Variants in CTNNA2 observed in about 807,000 individuals in gnomAD.
CTNNA2 encodes catenin alpha-2.
In CTNNA2, 42 loss-of-function variants were observed where a neutral mutation model predicts 101.0. That is an observed-to-expected ratio of 0.42 (90% CI 0.32 to 0.54). The LOEUF (loss-of-function observed/expected upper bound fraction) is 0.54, where lower values mean the gene tolerates loss of function less well. Among genes scored for constraint, CTNNA2 ranks in the 20% least tolerant of loss-of-function variants. The probability of loss-of-function intolerance (pLI) is 0.14; values close to 1 mark genes in which losing one functional copy is unlikely to be tolerated. For synonymous variants in CTNNA2, 450 were observed against 456.4 expected, an observed-to-expected ratio of 0.99 and a Z score of 0.18; for missense variants, 871 against 1,223.1, an observed-to-expected ratio of 0.71 and a Z score of 4.29.
At chr2:79,211,352 G>T (rs970571668) in intron 2 of CTNNA2, among the ~76,000 whole-genome samples, 1 of 152,266 alleles carries the variant, frequency 6.6e-6, no homozygotes, top group Admixed American at 6.5e-5. Flanking sequence ...CTTTTCATGC[G>T]CGTCCGTGAG....
chr2:79,896,956 C>T (rs968682219), intron 6 of CTNNA2, among the ~76,000 whole-genome samples: 1 of 152,058 alleles, frequency 6.6e-6, no homozygotes, highest in Non-Finnish European at 1.5e-5. Context: ...TGAGGAGAGA[C>T]GAAGTTTGAG....
chr2:79,601,496 C>T (rs1460704070), intron 1 of CTNNA2, among the ~76,000 whole-genome samples: 2 of 152,166 alleles, frequency 1.3e-5, no homozygotes, highest in Non-Finnish European at 2.9e-5. Context: ...TTGGAAGCTC[C>T]ATAGCCTGAG....
chr2:79,996,370 C>T (rs1692546463), intron 7 of CTNNA2, among the ~76,000 whole-genome samples: 1 of 152,090 alleles, frequency 6.6e-6, no homozygotes, highest in African/African-American at 2.4e-5. Context: ...TTGCCTTCCG[C>T]ACTGACTGAG....
chr2:79,873,943 C>T (rs1682796328), intron 5 of CTNNA2, 133 bp from the exon 6 acceptor site: 1 of 1,378,806 alleles, frequency 7.3e-7, no homozygotes, highest in Non-Finnish European at 9.6e-7. Context: ...TATGCAAAGG[C>T]CTGGCAGCTA....
intron 4 of CTNNA2, among the ~76,000 whole-genome samples, chr2:79,486,520 T>C (rs908364498): frequency 2.6e-5 from 4 of 152,310 alleles, no homozygotes; most frequent in Non-Finnish European, 4.4e-5. Context: ...TTGTGAATGG[T>C]GCCACAATAA....
In CTNNA2 at chr2:80,408,149, T is replaced by A. The variant is rs189168864; in HGVS notation, c.1138-11300T>A. Among the ~76,000 whole-genome samples, 8 of 151,856 alleles carry A rather than the reference T, an allele frequency of 5.3e-5. No individual in the cohort carries two copies. In the East Asian group the frequency reaches 9.8e-4, roughly 19 times the overall value. ...ACTGAGGTTTCACTCATACCTAGAG[T>A]GAGAAGTAGTGAGTTTTGTCTGGGT... On this transcript the variant is annotated intron_variant, in intron 8 of 18. Coordinates refer to ENST00000402739, the MANE Select transcript of CTNNA2 (RefSeq NM_001282597.3).
chr2:80,060,968 C>G (rs1697561579), intron 7 of CTNNA2, among the ~76,000 whole-genome samples: 1 of 152,070 alleles, frequency 6.6e-6, no homozygotes, highest in Non-Finnish European at 1.5e-5. Flanking sequence ...AAGGGCCACC[C>G]CAGCTGAGAA....
chr2:79,767,989 C>T (rs1673284282), intron 3 of CTNNA2, among the ~76,000 whole-genome samples: 1 of 151,802 alleles, frequency 6.6e-6, no homozygotes, highest in African/African-American at 2.4e-5. Context: ...GTCTGTGACC[C>T]AGTTGAGCAC....
intron 3 of CTNNA2, among the ~76,000 whole-genome samples, chr2:79,832,338 AAGCAT>A (rs1216421328): frequency 2.0e-5 from 3 of 152,158 alleles, no homozygotes; most frequent in Non-Finnish European, 2.9e-5. Flanking sequence ...TGATTTTATA[AAGCAT>A]TTACTAATCC....
chr2:80,145,762 C>T (rs1470650910), intron 7 of CTNNA2, among the ~76,000 whole-genome samples: 1 of 152,218 alleles, frequency 6.6e-6, no homozygotes, highest in Non-Finnish European at 1.5e-5. Context: ...TAGTATCCAT[C>T]ATCAGCAATC....
intron 7 of CTNNA2, among the ~76,000 whole-genome samples, chr2:80,192,155 T>G (rs1484352539): frequency 6.6e-6 from 1 of 152,234 alleles, no homozygotes; most frequent in African/African-American, 2.4e-5. Context: ...TTGGAGGAAC[T>G]CTGATCTAAC....
intron 7 of CTNNA2, among the ~76,000 whole-genome samples, chr2:80,286,119 G>A (rs1444780354): frequency 6.6e-6 from 1 of 152,218 alleles, no homozygotes; most frequent in East Asian, 1.9e-4. Flanking sequence ...CATTGTCTAT[G>A]TCCACATGGT....
At chr2:79,254,817 A>G (rs1449188456) in intron 2 of CTNNA2, among the ~76,000 whole-genome samples, 1 of 152,218 alleles carries the variant, frequency 6.6e-6, no homozygotes, top group Non-Finnish European at 1.5e-5. Flanking sequence ...GTTTATCTGG[A>G]TTAAATAAGA....
rs76941081 is a variant in CTNNA2 at position 79,441,694 on chromosome 2, C to T, written c.-134-63360C>T. ...TCTCTACACAAACAATGGAGTGGTA[C>T]TTTTAAAATGTATATGAGATGCCCT... On this transcript the variant is annotated intron_variant, in intron 4 of 21. Transcript: ENST00000466387. Among the ~76,000 whole-genome samples the T allele has an allele frequency of 0.011, 1,630 of 152,248 alleles. 79 individuals carry two copies. In the East Asian group the frequency reaches 0.13, roughly 12 times the overall value.
intron 1 of CTNNA2, among the ~76,000 whole-genome samples, chr2:79,586,051 T>C (rs1676464333): frequency 6.6e-6 from 1 of 152,124 alleles, no homozygotes. Context: ...AACAAAAGTG[T>C]CGATGTTAGT....
intron 7 of CTNNA2, among the ~76,000 whole-genome samples, chr2:80,146,710 G>GTTTTTTTTTTTTTTTTTT (rs34019123): frequency 3.2e-5 from 2 of 61,744 alleles, no homozygotes; most frequent in Non-Finnish European, 6.1e-5. Context: ...GTCCCCTCTG[G>GTTTTTTTTTTTTTTTTTT]TTTTTTTTTT....
intron 7 of CTNNA2, among the ~76,000 whole-genome samples, chr2:80,010,135 C>G (rs61343332): frequency 6.6e-6 from 1 of 151,934 alleles, no homozygotes; most frequent in East Asian, 1.9e-4. Context: ...ATCTTTTATC[C>G]GTGAGCAGAG....
At chr2:80,078,716 T>C (rs879517414) in intron 7 of CTNNA2, among the ~76,000 whole-genome samples, 1 of 152,212 alleles carries the variant, frequency 6.6e-6, no homozygotes. Context: ...CTGGTGCTGC[T>C]TTTTTGTTTT....
chr2:80,282,376 T>TG (rs1482954237), intron 7 of CTNNA2, among the ~76,000 whole-genome samples: 1 of 152,126 alleles, frequency 6.6e-6, no homozygotes, highest in East Asian at 1.9e-4. Flanking sequence ...TGATGGCCCT[T>TG]GGCAAAAAAT....
Sources: gnomAD v4.1 joint callset for allele counts (sites outside exome capture counted in the v4.1 genomes callset) on GRCh38, gnomAD v4.1.1 for gene constraint, MANE v1.5 for transcripts, NCBI Gene and HGNC (gene_info 2026-07-23, HGNC 2026-07-21) for gene names.